Variants in SLC8A1 observed in about 807,000 individuals in gnomAD.
SLC8A1 encodes the protein solute carrier family 8 member A1, also known as sodium/calcium exchanger 1.
Under a neutral mutation model 68.3 loss-of-function variants are expected in SLC8A1, and 18 were observed. The observed-to-expected ratio is 0.26, with a 90% CI of 0.18 to 0.39. The LOEUF is 0.39. SLC8A1 is among the 10% of genes least tolerant of loss of function. SLC8A1 has a pLI of 1.00. For missense variants in SLC8A1, 985 were observed against 1,156.7 expected (o/e 0.85, Z 2.15); for synonymous variants, 475 against 415.5 (o/e 1.14, Z -1.74).
intron 2 of SLC8A1, among the ~76,000 whole-genome samples, chr2:40,403,932 T>A (rs1328702754): frequency 6.6e-6 from 1 of 152,218 alleles, no homozygotes; most frequent in African/African-American, 2.4e-5. Flanking sequence ...ATATTAGTTG[T>A]CACTATTTCA....
chr2:40,316,279 C>T (rs1415825325), intron 2 of SLC8A1, among the ~76,000 whole-genome samples: 1 of 152,008 alleles, frequency 6.6e-6, no homozygotes, highest in Non-Finnish European at 1.5e-5. Flanking sequence ...AGAAGGCTTG[C>T]AACTTGGATG....
intron 2 of SLC8A1, among the ~76,000 whole-genome samples, chr2:40,247,297 G>A (rs1164419829): frequency 1.3e-5 from 2 of 152,150 alleles, no homozygotes; most frequent in Non-Finnish European, 2.9e-5. Context: ...TTCTACCATG[G>A]TCCTGAACAG....
intron 2 of SLC8A1, among the ~76,000 whole-genome samples, chr2:40,244,888 T>C (rs1257647440): frequency 6.6e-6 from 1 of 152,142 alleles, no homozygotes; most frequent in African/African-American, 2.4e-5. Flanking sequence ...AGAGAAGGAA[T>C]GTCTGGGGGA....
chr2:40,307,510 T>G (rs895995170), intron 2 of SLC8A1, among the ~76,000 whole-genome samples: 4 of 152,160 alleles, frequency 2.6e-5, no homozygotes, highest in Admixed American at 2.6e-4. Flanking sequence ...CTTAAGATGG[T>G]CAGGATAGTA....
chr2:40,450,622 GCTTCTTCCA>G (rs1398746380), intron 1 of SLC8A1, among the ~76,000 whole-genome samples: 1 of 152,154 alleles, frequency 6.6e-6, no homozygotes, highest in African/African-American at 2.4e-5. Flanking sequence ...TTTTTAAAAA[GCTTCTTCCA>G]CTACACCTCC....
At position 40,495,641 on chromosome 2, in the gene SLC8A1, A is replaced by G. The variant is rs146879448; in HGVS notation, c.-25+16708T>C. On this transcript the variant is annotated intron_variant, in intron 1 of 7. Transcript: ENST00000402441. ...AATCTATTATCTTGCACAACTGTTG[A>G]TAGTGAACTTTATAATAAGAGGTCA... 1.6e-3 allele frequency among the ~76,000 whole-genome samples: 238 copies of G among 152,184 alleles called. 3 individuals are homozygous for G. Among genetic ancestry groups the G allele is most frequent in the African/African-American group, 5.4e-3 (225 of 41,514 alleles).
chr2:40,450,404 G>C (rs1413337520), intron 1 of SLC8A1, among the ~76,000 whole-genome samples: 1 of 152,074 alleles, frequency 6.6e-6, no homozygotes, highest in African/African-American at 2.4e-5. Flanking sequence ...ATGGGAAAGA[G>C]AGGTATACTT....
chr2:40,501,373 G>A (rs1300013541), intron 1 of SLC8A1, among the ~76,000 whole-genome samples: 2 of 151,984 alleles, frequency 1.3e-5, no homozygotes, highest in Non-Finnish European at 2.9e-5. Context: ...AGTTCTTCAA[G>A]TAAATTAGCA....
exon 2 of SLC8A1, chr2:40,430,254 A>C (rs769724176): frequency 1.2e-6 from 2 of 1,612,962 alleles, no homozygotes; most frequent in Non-Finnish European, 8.5e-7. Context: ...AGGTGGGTGA[A>C]AGACTTAATC....
intron 2 of SLC8A1, among the ~76,000 whole-genome samples, chr2:40,275,900 C>T (rs1397866760): frequency 2.0e-5 from 3 of 152,154 alleles, no homozygotes; most frequent in Non-Finnish European, 2.9e-5. Flanking sequence ...GCTGACTCTC[C>T]TGCAAGTGGG....
intron 1 of SLC8A1, among the ~76,000 whole-genome samples, chr2:40,477,043 G>T (rs1006816325): frequency 1.3e-5 from 2 of 152,082 alleles, no homozygotes; most frequent in East Asian, 3.9e-4. Flanking sequence ...TTATTGTTTT[G>T]TGGGTGCATT....
intron 2 of SLC8A1, among the ~76,000 whole-genome samples, chr2:40,424,302 A>G (rs970225488): frequency 9.9e-5 from 15 of 151,482 alleles, no homozygotes; most frequent in African/African-American, 3.1e-4. Context: ...ATTTTGTTCT[A>G]CTCTCAGAAT....
chr2:40,346,392 T>C (rs933219843), intron 2 of SLC8A1, among the ~76,000 whole-genome samples: 2 of 152,126 alleles, frequency 1.3e-5, no homozygotes, highest in African/African-American at 4.8e-5. Context: ...TTGTTAGAAA[T>C]ATATATGCTA....
At chr2:40,474,944 A>AT (rs1225293450) in intron 1 of SLC8A1, among the ~76,000 whole-genome samples, 1 of 152,162 alleles carries the variant, frequency 6.6e-6, no homozygotes, top group Non-Finnish European at 1.5e-5. Flanking sequence ...GTAAAAATAA[A>AT]TCATTATTTG....
chr2:40,221,521 G>T (rs2148842326), intron 2 of SLC8A1, among the ~76,000 whole-genome samples: 1 of 152,310 alleles, frequency 6.6e-6, no homozygotes, highest in African/African-American at 2.4e-5. Flanking sequence ...AGTATTGGAA[G>T]TTCTGGCCAG....
intron 2 of SLC8A1, among the ~76,000 whole-genome samples, chr2:40,367,524 G>A (rs1676638758): frequency 6.6e-6 from 1 of 151,854 alleles, no homozygotes; most frequent in African/African-American, 2.4e-5. Flanking sequence ...GAAACACAAT[G>A]TACCAAACTA....
intron 2 of SLC8A1, among the ~76,000 whole-genome samples, chr2:40,260,857 G>A (rs1189013627): frequency 2.6e-5 from 4 of 151,718 alleles, no homozygotes; most frequent in East Asian, 1.9e-4. Flanking sequence ...CTCATAGTCC[G>A]ACCTAAGAGT....
At chr2:40,486,487 G>A (rs938640747) in intron 1 of SLC8A1, among the ~76,000 whole-genome samples, 23 of 152,096 alleles carry the variant, frequency 1.5e-4, no homozygotes, top group Admixed American at 3.9e-4. Flanking sequence ...TCTGCCATTA[G>A]GCAATAAGAT....
chr2:40,382,670 A>G (rs907561719), intron 2 of SLC8A1, among the ~76,000 whole-genome samples: 1 of 151,302 alleles, frequency 6.6e-6, no homozygotes, highest in Non-Finnish European at 1.5e-5. Flanking sequence ...ATCTAAACTG[A>G]AAATCGTATA....
Sources: gnomAD v4.1 joint callset for allele counts (sites outside exome capture counted in the v4.1 genomes callset) on GRCh38, gnomAD v4.1.1 for gene constraint, MANE v1.5 for transcripts, NCBI Gene and HGNC (gene_info 2026-07-23, HGNC 2026-07-21) for gene names.